ATP9A: variants seen among roughly 807,000 people sequenced by gnomAD.
ATP9A encodes ATPase phospholipid transporting 9A.
Under a neutral mutation model 144.1 loss-of-function variants are expected in ATP9A, and 52 were observed. The ratio of observed to expected loss-of-function variants is 0.36; its 90% CI spans 0.29 to 0.45. The LOEUF (loss-of-function observed/expected upper bound fraction) is 0.45. ATP9A is among the 20% of genes least tolerant of loss of function. The pLI, the probability that ATP9A is intolerant of heterozygous loss-of-function variation, is 1.00. For missense variants in ATP9A, 947 were observed against 1,392.7 expected, an observed-to-expected ratio of 0.68 and a Z score of 5.09; for synonymous variants, 582 against 557.4, an observed-to-expected ratio of 1.04 and a Z score of -0.62.
intron 14 of ATP9A, among the ~76,000 whole-genome samples, chr20:51,641,365 A>C (rs1398869589): frequency 1.5e-4 from 23 of 152,052 alleles, no homozygotes; most frequent in Admixed American, 1.5e-3. Context: ...TCTCAAAAAA[A>C]AAATTATTAT....
At chr20:51,658,516 C>CTTTTTTTT (rs35371153) in intron 13 of ATP9A, among the ~76,000 whole-genome samples, 1 of 106,890 alleles carries the variant, frequency 9.4e-6, no homozygotes, top group African/African-American at 3.7e-5. Flanking sequence ...CCTATGCTTC[C>CTTTTTTTT]TTTTTTTTTT....
intron 1 of ATP9A, among the ~76,000 whole-genome samples, chr20:51,731,363 G>T (rs184000812): frequency 6.6e-6 from 1 of 152,060 alleles, no homozygotes; most frequent in African/African-American, 2.4e-5. Flanking sequence ...AGAATAAAAG[G>T]ATTTAAGAAA....
At chr20:51,615,823 A>ACAC (rs2122716916) in intron 22 of ATP9A, among the ~76,000 whole-genome samples, 1 of 152,208 alleles carries the variant, frequency 6.6e-6, no homozygotes, top group Non-Finnish European at 1.5e-5. Flanking sequence ...TTTAGTAGAG[A>ACAC]CGGGGTCTCA....
At chr20:51,764,434 T>C (rs553369476) in intron 1 of ATP9A, among the ~76,000 whole-genome samples, 64 of 152,226 alleles carry the variant, frequency 4.2e-4, no homozygotes, top group Non-Finnish European at 1.2e-4. Context: ...GTGGTAACTT[T>C]CTCAAGAGAG....
chr20:51,720,310 T>C (rs535835024), intron 3 of ATP9A, among the ~76,000 whole-genome samples: 11 of 152,308 alleles, frequency 7.2e-5, no homozygotes, highest in Non-Finnish European at 1.6e-4. Flanking sequence ...TTAAAGTAAC[T>C]TATGGTTTGA....
chr20:51,690,638 G>T, intron 8 of ATP9A, 101 bp downstream of exon 8: 3 of 1,044,054 alleles, frequency 2.9e-6, no homozygotes, highest in Non-Finnish European at 4.4e-6. Context: ...CACCTGGCAT[G>T]AAACAACTTC....
intron 20 of ATP9A, 37 bp downstream of exon 20, chr20:51,618,917 G>A (rs1190123017): frequency 6.2e-7 from 1 of 1,609,830 alleles, no homozygotes; most frequent in Non-Finnish European, 8.5e-7. Flanking sequence ...GACCCAGGCT[G>A]CTGGGAGGAC....
intron 13 of ATP9A, among the ~76,000 whole-genome samples, chr20:51,666,037 C>T (rs376895842): frequency 6.6e-5 from 10 of 152,146 alleles, no homozygotes; most frequent in African/African-American, 2.4e-4. Context: ...CCTCAAGGAC[C>T]GGACCTGACA....
chr20:51,608,145 C>T (rs145720930), intron 25 of ATP9A, among the ~76,000 whole-genome samples: 1 of 152,110 alleles, frequency 6.6e-6, no homozygotes, highest in East Asian at 1.9e-4. Context: ...TATACACCTG[C>T]CTAGGCACAC....
At chr20:51,621,297 T>G (rs2077226100) in intron 19 of ATP9A, among the ~76,000 whole-genome samples, 4 of 152,196 alleles carry the variant, frequency 2.6e-5, no homozygotes, top group African/African-American at 9.7e-5. Context: ...TACCTGCCTC[T>G]ATACAATACT....
intron 1 of ATP9A, among the ~76,000 whole-genome samples, chr20:51,758,132 T>A (rs1008745950): frequency 3.9e-5 from 6 of 152,176 alleles, no homozygotes; most frequent in Non-Finnish European, 8.8e-5. Flanking sequence ...CTTCCTGCCA[T>A]GACACAAGAA....
At chr20:51,660,620 G>A (rs1457122363) in intron 13 of ATP9A, among the ~76,000 whole-genome samples, 18 of 152,132 alleles carry the variant, frequency 1.2e-4, no homozygotes, top group Admixed American at 1.2e-3. Context: ...AATACTCATT[G>A]GTGCTGAAAC....
chr20:51,731,336 AAGGT>A (rs1386000734), intron 1 of ATP9A, among the ~76,000 whole-genome samples: 5 of 152,136 alleles, frequency 3.3e-5, no homozygotes, highest in Admixed American at 6.5e-5. Flanking sequence ...TAATTTTTTA[AAGGT>A]AGGCTTTATT....
intron 24 of ATP9A, among the ~76,000 whole-genome samples, chr20:51,609,670 T>C (rs944922884): frequency 6.6e-6 from 1 of 152,192 alleles, no homozygotes; most frequent in Non-Finnish European, 1.5e-5. Context: ...CAGTGGACTC[T>C]GGCCCTCCCT....
chr20:51,640,862 G>A (rs1047994536), intron 14 of ATP9A, among the ~76,000 whole-genome samples: 1 of 152,176 alleles, frequency 6.6e-6, no homozygotes, highest in Non-Finnish European at 1.5e-5. Context: ...GGCCAGGGTG[G>A]ATGGAGCTTC....
intron 1 of ATP9A, among the ~76,000 whole-genome samples, chr20:51,737,637 GTCAC>G (rs1160368240): frequency 1.3e-5 from 2 of 152,152 alleles, no homozygotes; most frequent in Non-Finnish European, 2.9e-5. Flanking sequence ...GATGAATAAA[GTCAC>G]TTGACTTGTA....
chr20:51,684,309 T>C (rs62231470), intron 9 of ATP9A, among the ~76,000 whole-genome samples: 1,985 of 152,338 alleles, frequency 0.013, 19 homozygotes, highest in Middle Eastern at 0.058. Context: ...AATATTCTTA[T>C]GACATAAACA....
At chr20:51,617,671 G>A (rs1419699055) in intron 21 of ATP9A, 117 bp from the exon 22 acceptor site, 16 of 1,116,338 alleles carry the variant, frequency 1.4e-5, no homozygotes, top group Non-Finnish European at 2.0e-5. Flanking sequence ...TGCCTGGCCT[G>A]CCCCGTCCAT....
intron 7 of ATP9A, among the ~76,000 whole-genome samples, 153 bp from the exon 8 acceptor site, chr20:51,690,972 T>A (rs2077546176): frequency 6.6e-6 from 1 of 152,118 alleles, no homozygotes; most frequent in African/African-American, 2.4e-5. Flanking sequence ...AGGAAAGTCC[T>A]CTGTTAAGTA....
Sources: gnomAD v4.1 joint callset for allele counts (sites outside exome capture counted in the v4.1 genomes callset) on GRCh38, gnomAD v4.1.1 for gene constraint, MANE v1.5 for transcripts, NCBI Gene and HGNC (gene_info 2026-07-23, HGNC 2026-07-21) for gene names.